The following JPH3 variants were observed in gnomAD, a reference collection of about 807,000 sequenced individuals.
JPH3 encodes junctophilin 3.
JPH3 carries 11 observed loss-of-function variants against 59.6 expected under a neutral mutation model. That is an observed-to-expected ratio of 0.18 (90% CI 0.12 to 0.31). JPH3 has a LOEUF of 0.31. Among genes scored for constraint, JPH3 ranks in the 10% least tolerant of loss-of-function variants. JPH3 has a pLI of 1.00. For missense variants in JPH3, 1,202 were observed against 1,105.7 expected (o/e 1.09, Z -1.24); for synonymous variants, 673 against 483.6 (o/e 1.39, Z -5.14).
intron 1 of JPH3, among the ~76,000 whole-genome samples, chr16:87,637,018 G>T (rs1012131371): frequency 6.6e-6 from 1 of 152,200 alleles, no homozygotes; most frequent in Non-Finnish European, 1.5e-5. Context: ...CCTCCACAAG[G>T]CCCTGTCGGC....
chr16:87,672,641 G>A (rs551380207), intron 2 of JPH3, among the ~76,000 whole-genome samples: 14 of 152,346 alleles, frequency 9.2e-5, no homozygotes, highest in African/African-American at 3.4e-4. Context: ...TGATTGGTGC[G>A]GGTGACGAGG....
chr16:87,626,510 G>A (rs1427687949), intron 1 of JPH3, among the ~76,000 whole-genome samples: 1 of 152,244 alleles, frequency 6.6e-6, no homozygotes, highest in Non-Finnish European at 1.5e-5. Flanking sequence ...GTGGTGTGGG[G>A]GCCCCTGTGC....
In JPH3 at chr16:87,644,981, C is replaced by T; in HGVS notation, c.1106C>T (p.Ala369Val). Residue 369 changes from alanine to valine, a missense_variant, in exon 2 of 5, where the codon GCC becomes GTC. Transcript: ENST00000284262. ...IREKVDRAVE[A>V]AERAATIAKQ... The stretch of plus-strand genomic sequence containing the variant: ...GAGAAGGTGGACCGCGCCGTTGAGG[C>T]CGCTGAGCGGGCCGCCACCATCGCC... 1.9e-6 allele frequency: 3 copies of T among 1,609,498 alleles called. No homozygotes were observed. Among genetic ancestry groups the T allele is most frequent in the Non-Finnish European group, 2.5e-6 (3 of 1,179,790 alleles).
At chr16:87,605,338 A>G (rs1469565291) in intron 1 of JPH3, among the ~76,000 whole-genome samples, 2 of 152,170 alleles carry the variant, frequency 1.3e-5, no homozygotes, top group African/African-American at 2.4e-5. Context: ...CTTTCATTCA[A>G]CAAATACTGA....
intron 1 of JPH3, among the ~76,000 whole-genome samples, chr16:87,607,559 C>G (rs114126093): frequency 0.018 from 2,690 of 152,378 alleles, 78 homozygotes; most frequent in African/African-American, 0.062. Flanking sequence ...GCCAAGGACT[C>G]TGAATCTCCA....
At position 87,673,964 on chromosome 16, in the gene JPH3, TAATA is replaced by T. The variant is rs1339292035; in HGVS notation, c.1161-10169_1161-10166del. ...ATAAATAAATAATTTAAAAATTATTTAATAAATAAATAGAATAAGAAAGCTGTGT... is the reference window on the plus strand; with the variant it reads ...ATAAATAAATAATTTAAAAATTATTTAATAAATAGAATAAGAAAGCTGTGT... On this transcript the variant is annotated intron_variant, in intron 2 of 4. Coordinates refer to ENST00000284262, the MANE Select transcript of JPH3 (RefSeq NM_020655.4). Among the ~76,000 whole-genome samples, 9 of 150,780 alleles carry T rather than the reference TAATA, an allele frequency of 6.0e-5. 1 individual carries two copies. Among genetic ancestry groups the T allele is most frequent in the East Asian group, 5.8e-4 (3 of 5,152 alleles).
At chr16:87,619,081 C>T (rs1170626486) in intron 1 of JPH3, among the ~76,000 whole-genome samples, 4 of 87,758 alleles carry the variant, frequency 4.6e-5, no homozygotes, top group Non-Finnish European at 6.9e-5. Flanking sequence ...GAGTAAGACT[C>T]TGTCTCAAAA....
chr16:87,682,755 G>A (rs186467563), intron 2 of JPH3, among the ~76,000 whole-genome samples: 3 of 152,200 alleles, frequency 2.0e-5, no homozygotes, highest in Non-Finnish European at 4.4e-5. Flanking sequence ...CTGCTCGGAG[G>A]GGGGATTTGT....
chr16:87,623,469 G>C (rs1301306621), intron 1 of JPH3, among the ~76,000 whole-genome samples: 1 of 152,246 alleles, frequency 6.6e-6, no homozygotes, highest in Non-Finnish European at 1.5e-5. Context: ...ATGAGTGACA[G>C]AGTCACCGAT....
chr16:87,689,656 C>T lies in JPH3; in HGVS notation c.1296C>T (p.Tyr432=), dbSNP rs773750355. The T allele has an allele frequency of 5.0e-6, 8 of 1,611,768 alleles. No homozygotes were observed. The South Asian group carries it at 8.8e-5, about 18-fold the overall frequency. ...TGTGTCCCCATACAGGGCTGGAGTA[C>T]CAGAGGCCGAAGCGTCAGACCTCCT... ...SFQHRENGLE[Y]QRPKRQTSCD... is the part of the protein sequence containing the mutation. The change falls in exon 4 of 5, where the codon TAC becomes TAT. Residue 432 remains tyrosine, a synonymous_variant. Transcript: ENST00000284262.
At chr16:87,654,963 C>G (rs2032445521) in intron 2 of JPH3, 1 of 152,284 alleles carries the variant, frequency 6.6e-6, no homozygotes, top group Non-Finnish European at 1.5e-5. Context: ...CGGGAAAACG[C>G]TGTCACCGCA....
At chr16:87,640,435 G>T (rs1023469754) in intron 1 of JPH3, among the ~76,000 whole-genome samples, 5 of 151,964 alleles carry the variant, frequency 3.3e-5, no homozygotes, top group Non-Finnish European at 5.9e-5. Context: ...CTGTCGCCCA[G>T]GCTGGAGTGC....
chr16:87,640,570 T>C (rs1390237632), intron 1 of JPH3, among the ~76,000 whole-genome samples: 1 of 151,782 alleles, frequency 6.6e-6, no homozygotes, highest in Non-Finnish European at 1.5e-5. Flanking sequence ...TTTTTGTATT[T>C]TTAGTAGAGA....
chr16:87,634,721 A>C (rs1467358530), intron 1 of JPH3, among the ~76,000 whole-genome samples: 2 of 152,200 alleles, frequency 1.3e-5, no homozygotes, highest in Non-Finnish European at 2.9e-5. Flanking sequence ...GGCCAGAGTG[A>C]ATCAGTGGTC....
intron 1 of JPH3, among the ~76,000 whole-genome samples, chr16:87,642,284 C>G (rs980101659): frequency 6.6e-6 from 1 of 151,962 alleles, no homozygotes; most frequent in Non-Finnish European, 1.5e-5. Context: ...TGCTTCGCTC[C>G]GAGAGATGGC....
intron 1 of JPH3, chr16:87,604,355 T>G (rs1218005900): frequency 6.9e-7 from 1 of 1,450,828 alleles, no homozygotes; most frequent in Admixed American, 2.1e-5. Flanking sequence ...GCAGGGAACC[T>G]TGGCCGGCTC....
At chr16:87,603,989 A>G (rs2030378314) in intron 1 of JPH3, 3 of 771,408 alleles carry the variant, frequency 3.9e-6, no homozygotes, top group Non-Finnish European at 4.7e-6. Flanking sequence ...GGCCTTCCTC[A>G]GCCCCGAATC....
rs934603398 is a variant in JPH3 at position 87,697,119 on chromosome 16, G to C, written c.*459G>C. ...GTGGATTCACTGCTTTCTCTGTCTA[G>C]AACAGACGGGTGACAAGTATGGGCA... On this transcript the variant is annotated 3_prime_UTR_variant, in exon 5 of 5. Transcript: ENST00000284262. The C allele has an allele frequency of 2.6e-5, 6 of 228,642 alleles. No individual in the cohort carries two copies. The highest frequency in any genetic ancestry group is 1.5e-4 in the Admixed American group (3 of 19,672). The allele number at this position is 228,642 out of a possible 1,614,324, so 14.2% of individuals were successfully genotyped here.
chr16:87,660,867 A>G (rs932132207), intron 2 of JPH3, among the ~76,000 whole-genome samples: 4 of 152,198 alleles, frequency 2.6e-5, no homozygotes, highest in African/African-American at 9.7e-5. Context: ...TGGATCTCTC[A>G]TAGCCTATCA....
Sources: allele counts gnomAD v4.1 joint callset (sites outside exome capture counted in the v4.1 genomes callset), GRCh38; gene constraint gnomAD v4.1.1; transcripts MANE v1.5; gene names NCBI Gene and HGNC (gene_info 2026-07-23, HGNC 2026-07-21).